CARD14: variants seen among roughly 807,000 people sequenced by gnomAD.
CARD14 encodes the protein caspase recruitment domain family member 14.
In CARD14, 107 loss-of-function variants were observed where a neutral mutation model predicts 111.5. The ratio of observed to expected loss-of-function variants is 0.96; its 90% CI spans 0.82 to 1.13. CARD14 has a LOEUF of 1.13. CARD14 is among the 50% of genes most tolerant of loss of function. CARD14 has a pLI of 0.00. For synonymous variants in CARD14, 617 were observed against 579.6 expected, an observed-to-expected ratio of 1.06 and a Z score of -0.93; for missense variants, 1,322 against 1,362.3, an observed-to-expected ratio of 0.97 and a Z score of 0.47.
rs200790561 is a variant in CARD14 at position 80,184,152 on chromosome 17, G to A, written c.589G>A (p.Glu197Lys). Residue 197 changes from glutamate (E) to lysine (K), a missense_variant, in exon 7 of 24, where the codon GAG (glutamate) becomes AAG (lysine). Glu to Lys is a moderately conservative substitution (Grantham distance 56). Coordinates refer to ENST00000648509, the MANE Select transcript of CARD14 (RefSeq NM_001366385.1). ...CCATGAGGTGCTGAGGCTGAAGGAC[G>A]AGATGCTCAGCCTCTCGCTGCACTA... The part of the protein sequence containing the change: ...HFHEVLRLKD[E>K]MLSLSLHYSN... 6.8e-4 allele frequency: 1,070 copies of A among 1,565,916 alleles called. 1 individual carries two copies. The highest frequency in any genetic ancestry group is 8.3e-4 in the Non-Finnish European group (957 of 1,155,560).
rs1288509450 is a variant in CARD14 at position 80,198,908 on chromosome 17, A to T, written c.1851+317A>T. Reference sequence around the variant, plus strand: ...TACAGTAAAATACACGTGACATAAAATTCACTATTTTAACCACTGGGGCAT... The same window carrying T: ...TACAGTAAAATACACGTGACATAAATTTCACTATTTTAACCACTGGGGCAT... On this transcript the variant is annotated intron_variant, in intron 16 of 23. Transcript: ENST00000648509. This position sits in a 1 kb window ranked among gnomAD's most constrained non-coding sequence, Gnocchi z 7.5. 4.8e-6 allele frequency: 6 copies of T among 1,259,066 alleles called. No homozygotes were observed. In the East Asian group the frequency reaches 2.0e-4, roughly 42 times the overall value. The allele number at this position is 1,259,066 out of a possible 1,614,324, so 78.0% of individuals were successfully genotyped here.
In CARD14 at chr17:80,195,867, C is replaced by A; in HGVS notation, c.1594+215C>A. 1.8e-6 allele frequency: 1 copy of A among 561,148 alleles called. No homozygotes were observed. The allele number at this position is 561,148 out of a possible 1,614,324, so 34.8% of individuals were successfully genotyped here. ...CCAAAGGCCGGCTGCGCTCTGTCTG[C>A]TGGTGTCCTTGTGTTTTTCCCTAGA... On this transcript the variant is annotated intron_variant, in intron 14 of 23. Coordinates refer to ENST00000648509, the MANE Select transcript of CARD14 (RefSeq NM_001366385.1). The surrounding 1 kb of genome is among the most constrained non-coding windows in gnomAD (Gnocchi z 4.7).
At chr17:80,175,463 C>T (rs192186439) in intron 2 of CARD14, among the ~76,000 whole-genome samples, 250 of 152,256 alleles carry the variant, frequency 1.6e-3, no homozygotes, top group Non-Finnish European at 2.9e-3. Flanking sequence ...GAGACTTTGA[C>T]GTGACAGAGC....
chr17:80,190,945 C>T, intron 10 of CARD14, 46 bp downstream of exon 10: 1 of 1,600,408 alleles, frequency 6.2e-7, no homozygotes, highest in Middle Eastern at 1.9e-4. Flanking sequence ...GCTTGCTTCC[C>T]CAGGTGAGGG....
At position 80,189,785 on chromosome 17, in the gene CARD14, C is replaced by T. The variant is rs368286986; in HGVS notation, c.876C>T (p.Asp292=). The T allele has an allele frequency of 2.1e-5, 33 of 1,586,184 alleles. No homozygotes were observed. Among genetic ancestry groups the T allele is most frequent in the South Asian group, 1.1e-4 (10 of 87,970 alleles). The part of the protein sequence containing the change: ...AEKDILEQSL[D]EARGSRQELV... The stretch of plus-strand genomic sequence containing the variant: ...AGGACATTCTGGAGCAGAGCCTGGA[C>T]GAGGCGCGGGGGAGCCGACAGGAGC... The change falls in exon 9 of 24, where the codon GAC becomes GAT. Residue 292 remains aspartate (D), a synonymous_variant. Coordinates refer to ENST00000648509, the MANE Select transcript of CARD14 (RefSeq NM_001366385.1). The surrounding 1 kb of genome is among the most constrained non-coding windows in gnomAD (Gnocchi z 4.7).
intron 16 of CARD14, among the ~76,000 whole-genome samples, chr17:80,200,229 A>T (rs538071497): frequency 0.017 from 1,268 of 74,526 alleles, 48 homozygotes; most frequent in African/African-American, 0.064. Flanking sequence ...TTTACATGTC[A>T]TTTTTTTTTT....
rs141504309 is a variant in CARD14, at chr17:80,179,910, G to A, written c.-21+609G>A. On this transcript the variant is annotated intron_variant, in intron 4 of 23. Coordinates refer to ENST00000648509, the MANE Select transcript of CARD14 (RefSeq NM_001366385.1). ...GAGGGACTGAAGAGAACAAAAAGGC[G>A]CCATCTGCCTCGCATTTCCTTAAAA... 8.4e-3 allele frequency among the ~76,000 whole-genome samples: 1,272 copies of A among 152,270 alleles called. 11 individuals carry two copies. Among genetic ancestry groups the A allele is most frequent in the Admixed American group, 0.013 (206 of 15,300 alleles).
At chr17:80,181,329 A>G (rs900490833) in intron 4 of CARD14, 90 bp from the exon 5 acceptor site, 3 of 963,918 alleles carry the variant, frequency 3.1e-6, no homozygotes, top group African/African-American at 3.3e-5. Context: ...TGCTAATTTT[A>G]CGATGGAGTT....
intron 2 of CARD14, among the ~76,000 whole-genome samples, chr17:80,177,113 C>T (rs1376187864): frequency 1.3e-5 from 2 of 152,220 alleles, no homozygotes; most frequent in East Asian, 3.9e-4. Flanking sequence ...CATGCCTTCT[C>T]TTGAGTTTCT....
Position 80,189,860 on chromosome 17 carries a change from G to A in CARD14, c.951G>A (p.Arg317=), listed in dbSNP as rs1487206195. ...SLRERAVAAE[R]QREQYWEEKE... is the part of the protein sequence containing the mutation. ...GGGAGCGGGCCGTGGCTGCCGAGAG[G>A]CAGCGAGAGCAGGTGCCGTGTGAGC... Residue 317 remains arginine (R), a synonymous_variant, in exon 9 of 24, where the codon AGG becomes AGA. Coordinates refer to ENST00000648509, the MANE Select transcript of CARD14 (RefSeq NM_001366385.1). This position sits in a 1 kb window ranked among gnomAD's most constrained non-coding sequence, Gnocchi z 4.7. 1 of 1,593,964 alleles carries A rather than the reference G, an allele frequency of 6.3e-7. No homozygotes were observed. Among genetic ancestry groups the A allele is most frequent in the African/African-American group, 1.4e-5 (1 of 72,918 alleles).
At position 80,205,205 on chromosome 17, in the gene CARD14, G is replaced by T. The variant is rs772313392; in HGVS notation, c.2569G>T (p.Glu857Ter). The T allele has an allele frequency of 6.2e-7, 1 of 1,609,886 alleles. No homozygotes were observed. The highest frequency in any genetic ancestry group is 8.5e-7 in the Non-Finnish European group (1 of 1,177,442). ...CCAAGGGTTTAAGAAGTGCCTGGCA[G>T]GTATGCTGTTGCCTGGGAATCCCTC... Reference protein sequence around the residue: ...LLQGFKKCLAEYLSQEEYEAW... With the variant: ...LLQGFKKCLA The change falls in exon 21 of 24, where the codon GAG becomes TAG. Residue 857 changes from glutamate to a stop codon, truncating the protein, a stop_gained and splice_region_variant. Transcript: ENST00000648509. LOFTEE classifies it high-confidence loss of function.
Position 80,181,452 on chromosome 17 carries a change from G to GC in CARD14, c.16dup (p.Arg6ProfsTer93), listed in dbSNP as rs1239541601. ...CAGCGCCCAGCCATGGGGGAACTGT[G>GC]CCGCAGGGACTCCGCACTCACGGCA... is the stretch of plus-strand genomic sequence containing the variant. On this transcript the variant is annotated frameshift_variant, in exon 5 of 24. Coordinates refer to ENST00000648509, the MANE Select transcript of CARD14 (RefSeq NM_001366385.1). LOFTEE classifies it high-confidence loss of function. The GC allele has an allele frequency of 6.4e-7, 1 of 1,571,278 alleles. No individual in the cohort carries two copies. Among genetic ancestry groups the GC allele is most frequent in the African/African-American group, 1.4e-5 (1 of 73,874 alleles).
chr17:80,190,746 CA>C (rs1415814274), intron 9 of CARD14, 27 bp from the exon 10 acceptor site: 2 of 1,612,498 alleles, frequency 1.2e-6, no homozygotes, highest in South Asian at 2.2e-5. Flanking sequence ...TGCTGAGCTT[CA>C]CGGTCCATGT....
At chr17:80,194,927 G>T (rs987840561) in intron 12 of CARD14, among the ~76,000 whole-genome samples, 2 of 152,180 alleles carry the variant, frequency 1.3e-5, no homozygotes, top group African/African-American at 2.4e-5. Flanking sequence ...CCACCTTACA[G>T]ATTTATCGTG....
Position 80,195,705 on chromosome 17 carries a change from G to A in CARD14, c.1594+53G>A. The A allele has an allele frequency of 2.0e-6, 3 of 1,466,060 alleles. No homozygotes were observed. The highest frequency in any genetic ancestry group is 2.8e-6 in the Non-Finnish European group (3 of 1,065,868). The allele number at this position is 1,466,060 out of a possible 1,614,324, so 90.8% of individuals were successfully genotyped here. ...CAGCAGTCCACCTCCCCTGGGCAGA[G>A]CAGGGAGCTGATGAGAAAGCCGGGG... On this transcript the variant is annotated intron_variant, in intron 14 of 23. Coordinates refer to ENST00000648509, the MANE Select transcript of CARD14 (RefSeq NM_001366385.1). This position sits in a 1 kb window ranked among gnomAD's most constrained non-coding sequence, Gnocchi z 4.7.
chr17:80,204,982 C>G, intron 20 of CARD14, 53 bp from the exon 21 acceptor site: 1 of 1,455,500 alleles, frequency 6.9e-7, no homozygotes, highest in Non-Finnish European at 9.2e-7. Flanking sequence ...GCAGGGTAGG[C>G]TGGCTGGGGG....
At position 80,182,982 on chromosome 17, in the gene CARD14, C is replaced by A. The variant is rs888440146; in HGVS notation, c.349+192C>A. 1.3e-5 allele frequency among the ~76,000 whole-genome samples: 2 copies of A among 152,160 alleles called. No homozygotes were observed. The highest frequency in any genetic ancestry group is 4.8e-5 in the African/African-American group (2 of 41,416). On this transcript the variant is annotated intron_variant, in intron 6 of 23. Transcript: ENST00000648509. This position sits in a 1 kb window ranked among gnomAD's most constrained non-coding sequence, Gnocchi z 4.7. ...TATTGGGGTTGGATAGGATAAGGAG[C>A]CCCTGGGCCTTGACTCTGAAGGGTC...
At position 80,203,880 on chromosome 17, in the gene CARD14, CG is replaced by C; in HGVS notation, c.2279del (p.Arg760ProfsTer82). 6.3e-7 allele frequency: 1 copy of C among 1,595,508 alleles called. No homozygotes were observed. The highest frequency in any genetic ancestry group is 1.7e-5 in the Admixed American group (1 of 57,246). On this transcript the variant is annotated frameshift_variant, in exon 19 of 24. Transcript: ENST00000648509. LOFTEE classifies it high-confidence loss of function. This position sits in a 1 kb window ranked among gnomAD's most constrained non-coding sequence, Gnocchi z 4.6. Reference sequence around the variant, plus strand: ...CATGACTCAGCAGTGCACCGTGACCCGCAAGGTGAGGCTCCAGGGAGGGGCC... The same window carrying C: ...CATGACTCAGCAGTGCACCGTGACCCCAAGGTGAGGCTCCAGGGAGGGGCC... ...QDMTQQCTVTRKPSSGGPQKL... is the reference protein window; with the variant it reads ...QDMTQQCTVTXKPSSGGPQKL...
intron 2 of CARD14, among the ~76,000 whole-genome samples, chr17:80,176,482 G>A (rs2144103090): frequency 6.7e-6 from 1 of 149,652 alleles, no homozygotes; most frequent in East Asian, 2.0e-4. Flanking sequence ...AACCCATACG[G>A]CACACAATTC....
Sources: allele counts gnomAD v4.1 joint callset (sites outside exome capture counted in the v4.1 genomes callset), GRCh38; gene constraint gnomAD v4.1.1; non-coding constraint Gnocchi (gnomAD v3.1); transcripts MANE v1.5; gene names NCBI Gene and HGNC (gene_info 2026-07-23, HGNC 2026-07-21).